Variants in SLC38A11 observed in about 807,000 individuals in gnomAD.
SLC38A11 encodes the protein solute carrier family 38 member 11, also known as putative sodium-coupled neutral amino acid transporter 11.
Under a neutral mutation model 49.4 loss-of-function variants are expected in SLC38A11, and 51 were observed. The observed-to-expected ratio is 1.03, with a 90% confidence interval of 0.83 to 1.30. The LOEUF (loss-of-function observed/expected upper bound fraction) is 1.30, where lower values mean the gene tolerates loss of function less well. Ranked by LOEUF, SLC38A11 falls within the 50% of genes most tolerant of loss-of-function variation. SLC38A11 has a pLI of 0.00. For synonymous variants in SLC38A11, 203 were observed against 192.9 expected (o/e 1.05, Z -0.43); for missense variants, 574 against 556.2 (o/e 1.03, Z -0.32).
At position 164,945,737 on chromosome 2, in the gene SLC38A11, G is replaced by C. The variant is rs759252875; in HGVS notation, c.230-10C>G. 2 of 1,599,236 alleles carry C rather than the reference G, an allele frequency of 1.3e-6. No homozygotes were observed. The highest frequency in any genetic ancestry group is 1.7e-6 in the Non-Finnish European group (2 of 1,176,554). On this transcript the variant is annotated splice_polypyrimidine_tract_variant and intron_variant, in intron 3 of 11. Transcript: ENST00000685975. ...AAAACAAGGGAAAAGTCTGTGGCAA[G>C]AACATCAATTAAATGTCAGATTACA...
At chr2:164,914,998 A>G (rs141959724) in intron 9 of SLC38A11, 114 bp downstream of exon 9, 86 of 973,598 alleles carry the variant, frequency 8.8e-5, no homozygotes, top group Non-Finnish European at 1.0e-4. Context: ...GAATGGGTGG[A>G]AGAGAGTAAT....
At chr2:164,906,858 C>A (rs1193282187) in intron 11 of SLC38A11, among the ~76,000 whole-genome samples, 1 of 152,094 alleles carries the variant, frequency 6.6e-6, no homozygotes, top group Non-Finnish European at 1.5e-5. Flanking sequence ...TTCCCTCCTG[C>A]CTTTGTATGG....
intron 11 of SLC38A11, among the ~76,000 whole-genome samples, chr2:164,899,246 A>G (rs534349816): frequency 6.6e-6 from 1 of 152,254 alleles, no homozygotes; most frequent in South Asian, 2.1e-4. Flanking sequence ...AAGAAAAACT[A>G]TAACCCTAAG....
chr2:164,911,666 T>C lies in SLC38A11; in HGVS notation c.933A>G (p.Thr311=), dbSNP rs112650463. The C allele has an allele frequency of 2.5e-6, 4 of 1,605,872 alleles. No individual in the cohort carries two copies. Among genetic ancestry groups the C allele is most frequent in the South Asian group, 1.1e-5 (1 of 89,798 alleles). The change falls in exon 10 of 12, where the codon ACA becomes ACG. Residue 311 remains threonine, a synonymous_variant. Transcript: ENST00000685975. ...TTGTCACAAAGCATTCCATAGGGTA[T>C]GTCAAAATGACAGTGACACCATAAC... ...RFCYGVTVIL[T]YPMECFVTRE...
At chr2:164,900,993 C>G (rs1163574592) in intron 11 of SLC38A11, among the ~76,000 whole-genome samples, 3 of 152,006 alleles carry the variant, frequency 2.0e-5, no homozygotes, top group Non-Finnish European at 2.9e-5. Context: ...GGTGTAAGAT[C>G]AGGGTCCAAT....
rs1688606639 is a variant in SLC38A11 at position 164,952,714 on chromosome 2, A to G, written c.222T>C (p.Tyr74=). ...AATTATATAGTATTTTACCTGTAAC[A>G]TATGAAACCCAGAATAAAAGCAATA... ...LGILLLFWVS[Y]VTDFSLVLLI... The change falls in exon 3 of 12, where the codon TAT becomes TAC. Residue 74 remains tyrosine (Y), a synonymous_variant. Transcript: ENST00000685975. The G allele has an allele frequency of 6.2e-7, 1 of 1,607,746 alleles. No individual in the cohort carries two copies. The highest frequency in any genetic ancestry group is 8.5e-7 in the Non-Finnish European group (1 of 1,175,810).
intron 9 of SLC38A11, among the ~76,000 whole-genome samples, chr2:164,914,722 G>A (rs1437126306): frequency 1.3e-5 from 2 of 152,000 alleles, no homozygotes; most frequent in Non-Finnish European, 2.9e-5. Context: ...TCCTCTAAGG[G>A]AGGAAAATTT....
At position 164,908,726 on chromosome 2, in the gene SLC38A11, G is replaced by A. The variant is rs1247617379; in HGVS notation, c.1009C>T (p.His337Tyr). Reference protein sequence around the residue: ...FFGGNLSSVFHIVVTVMVITV... With the variant: ...FFGGNLSSVFYIVVTVMVITV... ...ATGACCATCACTGTTACAACAATGT[G>A]GAAAACCGATGAAAGATTCCCACCA... The change falls in exon 11 of 12, where the codon CAC becomes TAC. Residue 337 changes from histidine (H) to tyrosine (Y), a missense_variant. By Grantham distance (83) the His-to-Tyr change is moderately conservative. Transcript: ENST00000685975. 4.3e-6 allele frequency: 7 copies of A among 1,610,858 alleles called. No individual in the cohort carries two copies. Among genetic ancestry groups the A allele is most frequent in the Non-Finnish European group, 5.9e-6 (7 of 1,178,320 alleles).
At chr2:164,952,636 GTGTGTGTGTGTA>G in intron 3 of SLC38A11, 59 bp downstream of exon 3, 1 of 933,482 alleles carries the variant, frequency 1.1e-6, no homozygotes, top group Non-Finnish European at 1.8e-6. Flanking sequence ...GCATGTGTGT[GTGTGTGTGTGTA>G]TGTGTGTAGT....
chr2:164,903,638 T>C (rs537237613), intron 11 of SLC38A11, among the ~76,000 whole-genome samples: 3 of 152,322 alleles, frequency 2.0e-5, no homozygotes, highest in African/African-American at 7.2e-5. Context: ...ATCTATTTAA[T>C]GTAGACTTGC....
chr2:164,903,119 C>G (rs977834958), intron 11 of SLC38A11, among the ~76,000 whole-genome samples: 12 of 152,158 alleles, frequency 7.9e-5, no homozygotes, highest in African/African-American at 2.9e-4. Context: ...ATAACAAAAA[C>G]TATTAGCCTC....
intron 3 of SLC38A11, among the ~76,000 whole-genome samples, chr2:164,946,694 G>A (rs567754950): frequency 3.5e-4 from 53 of 152,092 alleles, no homozygotes; most frequent in African/African-American, 1.1e-3. Context: ...TGGTTTTTAC[G>A]GAAAGACACT....
intron 5 of SLC38A11, among the ~76,000 whole-genome samples, chr2:164,940,020 A>G (rs1687647801): frequency 6.7e-6 from 1 of 148,826 alleles, no homozygotes; most frequent in South Asian, 2.1e-4. Context: ...TTCTATACGC[A>G]AGAGACTTGG....
chr2:164,937,420 T>A lies in SLC38A11; in HGVS notation c.547A>T (p.Ile183Phe), dbSNP rs773240754. 3 of 1,606,480 alleles carry A rather than the reference T, an allele frequency of 1.9e-6. No homozygotes were observed. The highest frequency in any genetic ancestry group is 2.6e-6 in the Non-Finnish European group (3 of 1,173,886). The stretch of plus-strand genomic sequence containing the variant: ...ATCAGAGTTGTTAAACCTGTAGAGA[T>A]GAGGGAGACCTGTAAAAGAAAATAC... Reference protein sequence around the residue: ...NIAKLGKVSLISTGLTTLILG... With the variant: ...NIAKLGKVSLFSTGLTTLILG... The change falls in exon 7 of 12, where the codon ATC becomes TTC. Residue 183 changes from isoleucine (I) to phenylalanine (F), a missense_variant. By Grantham distance (21) the Ile-to-Phe change is conservative. Transcript: ENST00000685975.
intron 11 of SLC38A11, chr2:164,907,905 T>C (rs1685127480): frequency 1.3e-5 from 2 of 152,076 alleles, no homozygotes; most frequent in Admixed American, 1.3e-4. Flanking sequence ...AAATGGGAAA[T>C]AGTTTTACAC....
chr2:164,897,914 G>A lies in SLC38A11; in HGVS notation c.*523C>T, dbSNP rs1012603187. 6 of 152,704 alleles carry A rather than the reference G, an allele frequency of 3.9e-5. No homozygotes were observed. The highest frequency in any genetic ancestry group is 1.4e-4 in the African/African-American group (6 of 41,382). The allele number at this position is 152,704 out of a possible 1,614,324, so 9.5% of individuals were successfully genotyped here. A position where few individuals can be genotyped will look rare whatever the true frequency, so the allele number is the denominator to read the frequency against. On this transcript the variant is annotated 3_prime_UTR_variant, in exon 12 of 12. Transcript: ENST00000685975. ...AGAGGTCTTTGCTCATTTCTCCAGG[G>A]ATCCATTTCCCTTTAAACAAAGGAT...
chr2:164,914,794 C>A (rs564026739), intron 9 of SLC38A11, among the ~76,000 whole-genome samples: 1 of 151,978 alleles, frequency 6.6e-6, no homozygotes, highest in Admixed American at 6.6e-5. Context: ...GAATCCAAAT[C>A]GAAGCTATTT....
intron 3 of SLC38A11, among the ~76,000 whole-genome samples, chr2:164,946,438 C>T (rs1390811483): frequency 7.9e-5 from 12 of 151,602 alleles, no homozygotes; most frequent in African/African-American, 2.9e-4. Flanking sequence ...TGGTGGCGCA[C>T]ACTTGTAGTC....
At chr2:164,940,248 A>G (rs910001112) in intron 5 of SLC38A11, among the ~76,000 whole-genome samples, 1 of 83,192 alleles carries the variant, frequency 1.2e-5, no homozygotes, top group African/African-American at 4.0e-5. Flanking sequence ...ATATATATAT[A>G]TATATATATC....
Sources: gnomAD v4.1 joint callset for allele counts (sites outside exome capture counted in the v4.1 genomes callset) on GRCh38, gnomAD v4.1.1 for gene constraint, MANE v1.5 for transcripts, NCBI Gene and HGNC (gene_info 2026-07-23, HGNC 2026-07-21) for gene names.